The following FARP1 variants were observed in gnomAD, a reference collection of about 807,000 sequenced individuals.
FARP1 encodes the protein FERM, ARHGEF and pleckstrin domain-containing protein 1.
Under a neutral mutation model 128.8 loss-of-function variants are expected in FARP1, and 52 were observed. That is an observed-to-expected ratio of 0.40 (90% CI 0.32 to 0.51). The LOEUF is 0.51. Ranked by LOEUF, FARP1 falls within the 20% of genes least tolerant of loss-of-function variation. FARP1 has a pLI of 0.45. For missense variants in FARP1, 1,333 were observed against 1,367.9 expected (o/e 0.97, Z 0.40); for synonymous variants, 580 against 551.8 (o/e 1.05, Z -0.72).
intron 10 of FARP1, among the ~76,000 whole-genome samples, chr13:98,390,357 A>G (rs1890261039): frequency 6.6e-6 from 1 of 152,202 alleles, no homozygotes; most frequent in African/African-American, 2.4e-5. Flanking sequence ...CTCAGAAAGG[A>G]TTTCTCTCTC....
intron 1 of FARP1, among the ~76,000 whole-genome samples, chr13:98,202,164 T>A (rs544444293): frequency 2.0e-5 from 3 of 152,188 alleles, no homozygotes; most frequent in Non-Finnish European, 2.9e-5. Flanking sequence ...CAGCCTCCCC[T>A]GGGGCCAGCT....
intron 1 of FARP1, among the ~76,000 whole-genome samples, chr13:98,211,836 G>T (rs1438941201): frequency 3.3e-5 from 5 of 152,182 alleles, no homozygotes. Flanking sequence ...CTGGCTGAGT[G>T]GTCCAGTCGT....
At chr13:98,247,270 C>T (rs1883116839) in intron 2 of FARP1, among the ~76,000 whole-genome samples, 2 of 152,188 alleles carry the variant, frequency 1.3e-5, no homozygotes, top group Non-Finnish European at 2.9e-5. Context: ...CTTTCTACAC[C>T]TAGAAGACGA....
At chr13:98,204,654 C>A (rs1391133019) in intron 1 of FARP1, among the ~76,000 whole-genome samples, 1 of 152,150 alleles carries the variant, frequency 6.6e-6, no homozygotes, top group Non-Finnish European at 1.5e-5. Context: ...TCTGAATTCT[C>A]ACCTGTTTAA....
At chr13:98,281,119 G>T (rs1884916021) in intron 2 of FARP1, among the ~76,000 whole-genome samples, 1 of 152,200 alleles carries the variant, frequency 6.6e-6, no homozygotes, top group Non-Finnish European at 1.5e-5. Flanking sequence ...ACTTTGAAAG[G>T]CCGAGGTGGG....
At chr13:98,428,685 C>T (rs919921206) in intron 17 of FARP1, among the ~76,000 whole-genome samples, 9 of 152,222 alleles carry the variant, frequency 5.9e-5, no homozygotes, top group East Asian at 1.9e-4. Context: ...CCCTGCCTTC[C>T]GGCCACCGTC....
chr13:98,436,215 GTTC>G, intron 19 of FARP1: 1 of 206,298 alleles, frequency 4.8e-6, no homozygotes, highest in Non-Finnish European at 9.8e-6. Flanking sequence ...AGAGATGCAA[GTTC>G]ACTGACACTG....
intron 6 of FARP1, among the ~76,000 whole-genome samples, chr13:98,382,084 A>G (rs991283538): frequency 2.0e-5 from 3 of 151,612 alleles, no homozygotes; most frequent in African/African-American, 7.3e-5. Flanking sequence ...AAAAATAGCC[A>G]GGTGTGGTGG....
chr13:98,396,193 A>T (rs1594486632), intron 13 of FARP1: 2 of 399,148 alleles, frequency 5.0e-6, no homozygotes, highest in East Asian at 7.1e-5. Flanking sequence ...AAGCCTGGCT[A>T]ATGGCACACC....
chr13:98,261,264 G>A (rs1883866572), intron 2 of FARP1, among the ~76,000 whole-genome samples: 1 of 152,212 alleles, frequency 6.6e-6, no homozygotes, highest in South Asian at 2.1e-4. Flanking sequence ...TGCTGGCAGA[G>A]CTCATGTGTG....
Position 98,377,910 on chromosome 13 carries a change from T to C in FARP1, c.488T>C (p.Ile163Thr). Residue 163 changes from isoleucine to threonine, a missense_variant, in exon 6 of 27, where the codon ATT becomes ACT. Physicochemically the swap from Ile to Thr is moderately conservative, Grantham distance 89. Coordinates refer to ENST00000319562, the MANE Select transcript of FARP1 (RefSeq NM_005766.4). Reference sequence around the variant, plus strand: ...AGCGCAGCTCTCTTGATTTCACACATTGTGCAATGTAAGTTCTATTGGTTT... The same window carrying C: ...AGCGCAGCTCTCTTGATTTCACACACTGTGCAATGTAAGTTCTATTGGTTT... ...DTSAALLISHIVQSEIGDFDE... is the reference protein window; with the variant it reads ...DTSAALLISHTVQSEIGDFDE... 1 of 1,604,846 alleles carries C rather than the reference T, an allele frequency of 6.2e-7. No homozygotes were observed. Among genetic ancestry groups the C allele is most frequent in the Non-Finnish European group, 8.5e-7 (1 of 1,171,478 alleles).
In FARP1 at chr13:98,452,025, G is replaced by C. The variant is rs1893219568; in HGVS notation, c.*3708G>C. The C allele has an allele frequency of 6.6e-6, 1 of 152,186 alleles. No homozygotes were observed. The highest frequency in any genetic ancestry group is 1.5e-5 in the Non-Finnish European group (1 of 68,104). 9.4% of individuals were successfully genotyped at this position (152,186 alleles called of 1,614,324 possible). A position where few individuals can be genotyped will look rare whatever the true frequency, so the allele number is the denominator to read the frequency against. ...TGACCTGGGCACTCGGCAGCTCCAG[G>C]CCTGGGGACTTCTCCCTGGAGTCTT... is the stretch of plus-strand genomic sequence containing the variant. On this transcript the variant is annotated 3_prime_UTR_variant, in exon 27 of 27. Coordinates refer to ENST00000319562, the MANE Select transcript of FARP1 (RefSeq NM_005766.4).
intron 24 of FARP1, among the ~76,000 whole-genome samples, chr13:98,442,469 C>A (rs79151035): frequency 0.014 from 2,063 of 152,354 alleles, 42 homozygotes; most frequent in African/African-American, 0.047. Flanking sequence ...CCCTGGCTCC[C>A]CCACGGGCAC....
At chr13:98,144,053 A>G (rs1875308177) in intron 1 of FARP1, among the ~76,000 whole-genome samples, 1 of 151,156 alleles carries the variant, frequency 6.6e-6, no homozygotes, top group Non-Finnish European at 1.5e-5. Flanking sequence ...GTCTGCCTTT[A>G]TGCAGGGCAA....
At chr13:98,161,108 A>G (rs1049702106) in intron 1 of FARP1, among the ~76,000 whole-genome samples, 1 of 151,842 alleles carries the variant, frequency 6.6e-6, no homozygotes, top group Admixed American at 6.6e-5. Context: ...TCAACATCCC[A>G]CAGTTTCCTT....
rs764990954 is a variant in FARP1, at chr13:98,368,160, G to A, written c.363G>A (p.Pro121=). The change falls in exon 5 of 27, where the codon CCG becomes CCA. Residue 121 remains proline, a synonymous_variant. Coordinates refer to ENST00000319562, the MANE Select transcript of FARP1 (RefSeq NM_005766.4). Reference sequence around the variant, plus strand: ...TTAAGTTTGTGGTGAAATTCTTTCCGCCTGACCACACACAACTCCAAGAAG... The same window carrying A: ...TTAAGTTTGTGGTGAAATTCTTTCCACCTGACCACACACAACTCCAAGAAG... ...VVVKFVVKFF[P]PDHTQLQEEL... 2.1e-5 allele frequency: 34 copies of A among 1,613,664 alleles called. No homozygotes were observed. The highest frequency in any genetic ancestry group is 3.3e-5 in the South Asian group (3 of 91,068).
At chr13:98,281,901 C>T (rs1183463948) in intron 2 of FARP1, among the ~76,000 whole-genome samples, 1 of 152,192 alleles carries the variant, frequency 6.6e-6, no homozygotes, top group African/African-American at 2.4e-5. Context: ...TCTTTTAAGG[C>T]AGATGTGAAA....
In FARP1 at chr13:98,450,914, G is replaced by C. The variant is rs1243493826; in HGVS notation, c.*2597G>C. 1 of 152,152 alleles carries C rather than the reference G, an allele frequency of 6.6e-6. No homozygotes were observed. The highest frequency in any genetic ancestry group is 2.1e-4 in the South Asian group (1 of 4,830). The allele number at this position is 152,152 out of a possible 1,614,324, so 9.4% of individuals were successfully genotyped here. On this transcript the variant is annotated 3_prime_UTR_variant, in exon 27 of 27. Transcript: ENST00000319562. ...CCCAGGAGAGAATGTACACAGAGGC[G>C]AGCTTTCTAACTCCATCAAACCCCA... is the stretch of plus-strand genomic sequence containing the variant.
intron 2 of FARP1, among the ~76,000 whole-genome samples, chr13:98,308,435 C>G (rs1271420817): frequency 6.6e-6 from 1 of 152,022 alleles, no homozygotes; most frequent in African/African-American, 2.4e-5. Context: ...GCGAATGCAT[C>G]ACCTGAGGAA....
Sources: allele counts gnomAD v4.1 joint callset (sites outside exome capture counted in the v4.1 genomes callset), GRCh38; gene constraint gnomAD v4.1.1; transcripts MANE v1.5; gene names NCBI Gene and HGNC (gene_info 2026-07-23, HGNC 2026-07-21).